Variants in MCM9 observed in about 807,000 individuals in gnomAD.
MCM9 encodes the protein minichromosome maintenance 9 homologous recombination repair factor, also known as DNA helicase MCM9.
In MCM9, 55 loss-of-function variants were observed where a neutral mutation model predicts 72.8. The observed-to-expected ratio is 0.76, with a 90% CI of 0.61 to 0.95. The LOEUF (loss-of-function observed/expected upper bound fraction) is 0.95, where lower values mean the gene tolerates loss of function less well. Among genes scored for constraint, MCM9 ranks in the 40% least tolerant of loss-of-function variants. MCM9 has a pLI of 0.00. For synonymous variants in MCM9, 480 were observed against 503.4 expected, an observed-to-expected ratio of 0.95 and a Z score of 0.62; for missense variants, 1,279 against 1,377.0, an observed-to-expected ratio of 0.93 and a Z score of 1.13.
At chr6:118,927,000 G>C (rs1422336394) in intron 3 of MCM9, among the ~76,000 whole-genome samples, 1 of 152,010 alleles carries the variant, frequency 6.6e-6, no homozygotes, top group South Asian at 2.1e-4. Flanking sequence ...AGGTAAAAAG[G>C]AGAATAGAAA....
intron 8 of MCM9, among the ~76,000 whole-genome samples, chr6:118,860,219 A>G (rs1249590383): frequency 1.4e-4 from 21 of 152,218 alleles, no homozygotes; most frequent in Admixed American, 1.4e-3. Context: ...TTAATATGCT[A>G]AGAGATCTAA....
intron 8 of MCM9, among the ~76,000 whole-genome samples, chr6:118,880,938 T>C (rs1778247260): frequency 6.6e-6 from 1 of 152,228 alleles, no homozygotes; most frequent in African/African-American, 2.4e-5. Context: ...CTGAACCCTA[T>C]ACACACTATG....
At chr6:118,924,706 A>G (rs577737544) in intron 3 of MCM9, among the ~76,000 whole-genome samples, 1 of 152,326 alleles carries the variant, frequency 6.6e-6, no homozygotes, top group East Asian at 1.9e-4. Flanking sequence ...ATCCTATAAA[A>G]GCCTTGTGTT....
At chr6:118,826,093 A>G in intron 13 of MCM9, 54 bp downstream of exon 13, 1 of 1,516,506 alleles carries the variant, frequency 6.6e-7, no homozygotes, top group Non-Finnish European at 8.9e-7. Context: ...TTGTTTCACT[A>G]AATGCCAAAC....
chr6:118,829,669 C>G (rs1774397440), intron 9 of MCM9, among the ~76,000 whole-genome samples: 2 of 152,134 alleles, frequency 1.3e-5, no homozygotes, highest in African/African-American at 2.4e-5. Context: ...AAAAGATGAA[C>G]ACAGAAGCAA....
At chr6:118,832,943 T>A (rs1472002498) in intron 9 of MCM9, among the ~76,000 whole-genome samples, 1 of 152,190 alleles carries the variant, frequency 6.6e-6, no homozygotes, top group Non-Finnish European at 1.5e-5. Context: ...CCTATTCCCA[T>A]TACAGTGAAG....
At chr6:118,891,231 C>T (rs976812923) in intron 8 of MCM9, among the ~76,000 whole-genome samples, 2 of 152,182 alleles carry the variant, frequency 1.3e-5, no homozygotes, top group African/African-American at 4.8e-5. Context: ...CACCACTCCA[C>T]ATACGCCACA....
intron 8 of MCM9, among the ~76,000 whole-genome samples, chr6:118,903,939 G>A (rs532975727): frequency 2.9e-4 from 44 of 152,280 alleles, no homozygotes; most frequent in Non-Finnish European, 5.4e-4. Context: ...CATATCTCTA[G>A]AACAATGGTG....
chr6:118,817,052 T>C (rs1773453911), intron 13 of MCM9, among the ~76,000 whole-genome samples: 1 of 152,240 alleles, frequency 6.6e-6, no homozygotes, highest in African/African-American at 2.4e-5. Flanking sequence ...GTGATAATCA[T>C]TTTAAATGAT....
intron 2 of MCM9, 133 bp from the exon 3 acceptor site, chr6:118,931,871 A>C: frequency 2.9e-6 from 2 of 683,912 alleles, no homozygotes; most frequent in Non-Finnish European, 4.8e-6. Flanking sequence ...CTGAATTCAA[A>C]TCTTAATGAA....
intron 9 of MCM9, among the ~76,000 whole-genome samples, chr6:118,848,976 T>A (rs1221501751): frequency 6.7e-6 from 1 of 149,882 alleles, no homozygotes; most frequent in Admixed American, 6.6e-5. Context: ...CAGTAAGTTT[T>A]AAAAAAATAA....
intron 8 of MCM9, chr6:118,894,538 G>A (rs747582832): frequency 1.3e-6 from 2 of 1,528,936 alleles, no homozygotes; most frequent in East Asian, 2.4e-5. Flanking sequence ...TGCGGCGCCC[G>A]TGCGCCCGGG....
At chr6:118,846,612 G>A (rs1315696946) in intron 9 of MCM9, among the ~76,000 whole-genome samples, 2 of 151,752 alleles carry the variant, frequency 1.3e-5, no homozygotes, top group African/African-American at 4.9e-5. Flanking sequence ...GACCGGCAAG[G>A]GGCAAGAGTC....
intron 3 of MCM9, among the ~76,000 whole-genome samples, chr6:118,929,150 G>A (rs528447353): frequency 6.6e-6 from 1 of 152,312 alleles, no homozygotes; most frequent in Admixed American, 6.5e-5. Context: ...AACCCAGGAG[G>A]CAGAGGTTGC....
chr6:118,896,612 C>T (rs923124765), intron 8 of MCM9, among the ~76,000 whole-genome samples: 1 of 152,136 alleles, frequency 6.6e-6, no homozygotes, highest in Non-Finnish European at 1.5e-5. Context: ...TATTTCACTT[C>T]CTAGGCACCA....
intron 8 of MCM9, among the ~76,000 whole-genome samples, chr6:118,890,541 C>T (rs1222397823): frequency 6.6e-6 from 1 of 152,182 alleles, no homozygotes; most frequent in Non-Finnish European, 1.5e-5. Context: ...GATTAGTTAC[C>T]TTTCCTACTG....
In MCM9 at chr6:118,913,386, T is replaced by C. The variant is rs1447451091; in HGVS notation, c.939A>G (p.Gln313=). The C allele has an allele frequency of 6.2e-7, 1 of 1,614,004 alleles. No individual in the cohort carries two copies. ...GCTTTACTAGATACATTCCAAACAC[T>C]TGAGGGCACAAGCTAGCCAATATTA... ...RNVILASLCP[Q]VFGMYLVKLA... Residue 313 remains glutamine, a synonymous_variant, in exon 7 of 14, where the codon CAA becomes CAG. Coordinates refer to ENST00000619706, the MANE Select transcript of MCM9 (RefSeq NM_017696.3).
At chr6:118,900,464 G>T (rs943294826) in intron 8 of MCM9, among the ~76,000 whole-genome samples, 1 of 152,190 alleles carries the variant, frequency 6.6e-6, no homozygotes, top group Non-Finnish European at 1.5e-5. Context: ...TACTGTGCCA[G>T]CATGCTTTAT....
At chr6:118,878,050 C>T (rs990308221) in intron 8 of MCM9, among the ~76,000 whole-genome samples, 2 of 151,928 alleles carry the variant, frequency 1.3e-5, no homozygotes, top group African/African-American at 4.8e-5. Flanking sequence ...TAATCCTAGC[C>T]ATTTGGGAGA....
Sources: allele counts gnomAD v4.1 joint callset (sites outside exome capture counted in the v4.1 genomes callset), GRCh38; gene constraint gnomAD v4.1.1; transcripts MANE v1.5; gene names NCBI Gene and HGNC (gene_info 2026-07-23, HGNC 2026-07-21).